The following EID3 variants were observed in gnomAD, a reference collection of about 807,000 sequenced individuals.
EID3 encodes EP300 interacting inhibitor of differentiation 3.
Under a neutral mutation model 1.6 loss-of-function variants are expected in EID3, and 3 were observed. That is an observed-to-expected ratio of 1.87 (90% CI 0.85 to 4.83). EID3 has a LOEUF of 4.83. Among genes scored for constraint, EID3 ranks in the 30% most tolerant of loss-of-function variants. The probability of loss-of-function intolerance (pLI) is 0.02; values close to 1 mark genes in which losing one functional copy is unlikely to be tolerated. For synonymous variants in EID3, 164 were observed against 148.1 expected, an observed-to-expected ratio of 1.11 and a Z score of -0.78; for missense variants, 471 against 409.9, an observed-to-expected ratio of 1.15 and a Z score of -1.29.
rs61937909 is a variant in EID3 at position 104,303,783 on chromosome 12, C to G, written c.-152C>G. ...TCTAACTGCCGCCACTTTCCACACG[C>G]TGGGAGGGCCGTTACCTCAGAGATA... On this transcript the variant is annotated 5_prime_UTR_variant, in exon 1 of 1. Transcript: ENST00000527879. 7 of 1,274,320 alleles carry G rather than the reference C, an allele frequency of 5.5e-6. No homozygotes were observed. The highest frequency in any genetic ancestry group is 1.0e-6 in the Non-Finnish European group (1 of 961,658). 78.9% of individuals were successfully genotyped at this position (1,274,320 alleles called of 1,614,324 possible).
chr12:104,304,140 C>G lies in EID3; in HGVS notation c.206C>G (p.Ala69Gly). Reference sequence around the variant, plus strand: ...TCGGCGAACAACTCCTTAACCGAGGCTCTGGAGGAAGCCAACGTCCTCTTT... The same window carrying G: ...TCGGCGAACAACTCCTTAACCGAGGGTCTGGAGGAAGCCAACGTCCTCTTT... ...VSSANNSLTEALEEANVLFDG... is the reference protein window; with the variant it reads ...VSSANNSLTEGLEEANVLFDG... The change falls in exon 1 of 1, where the codon GCT becomes GGT. Residue 69 changes from alanine to glycine, a missense_variant. Coordinates refer to ENST00000527879, the MANE Select transcript of EID3 (RefSeq NM_001008394.3). 2 of 1,614,068 alleles carry G rather than the reference C, an allele frequency of 1.2e-6. No homozygotes were observed. Among genetic ancestry groups the G allele is most frequent in the African/African-American group, 1.3e-5 (1 of 75,072 alleles).
rs2034748898 is a variant in EID3 at position 104,303,792 on chromosome 12, C to T, written c.-143C>T. On this transcript the variant is annotated 5_prime_UTR_variant, in exon 1 of 1. Coordinates refer to ENST00000527879, the MANE Select transcript of EID3 (RefSeq NM_001008394.3). Reference sequence around the variant, plus strand: ...CGCCACTTTCCACACGCTGGGAGGGCCGTTACCTCAGAGATACCCGTGGCC... The same window carrying T: ...CGCCACTTTCCACACGCTGGGAGGGTCGTTACCTCAGAGATACCCGTGGCC... 1.5e-6 allele frequency: 2 copies of T among 1,305,596 alleles called. No individual in the cohort carries two copies. The highest frequency in any genetic ancestry group is 2.0e-6 in the Non-Finnish European group (2 of 987,642). The allele number at this position is 1,305,596 out of a possible 1,614,324, so 80.9% of individuals were successfully genotyped here.
In EID3 at chr12:104,304,298, T is replaced by C; in HGVS notation, c.364T>C (p.Phe122Leu). The C allele has an allele frequency of 6.2e-7, 1 of 1,614,048 alleles. No individual in the cohort carries two copies. Among genetic ancestry groups the C allele is most frequent in the Non-Finnish European group, 8.5e-7 (1 of 1,179,900 alleles). The part of the protein sequence containing the change: ...NFFNQLAFCD[F>L]LFLFVGLNWM... ...CTTTAATCAGTTAGCATTTTGTGAC[T>C]TTCTGTTTCTGTTCGTGGGTCTGAA... Residue 122 changes from phenylalanine to leucine, a missense_variant, in exon 1 of 1, where the codon TTT (phenylalanine) becomes CTT (leucine). By Grantham distance (22) the Phe-to-Leu change is conservative. Transcript: ENST00000527879.
rs1243831778 is a variant in EID3 at position 104,304,129 on chromosome 12, C to T, written c.195C>T (p.Ser65=). 2 of 1,613,924 alleles carry T rather than the reference C, an allele frequency of 1.2e-6. No individual in the cohort carries two copies. The highest frequency in any genetic ancestry group is 1.1e-5 in the South Asian group (1 of 91,092). ...REDIVSSANN[S]LTEALEEANV... is the part of the protein sequence containing the mutation. Reference sequence around the variant, plus strand: ...ACATCGTGAGCTCGGCGAACAACTCCTTAACCGAGGCTCTGGAGGAAGCCA... The same window carrying T: ...ACATCGTGAGCTCGGCGAACAACTCTTTAACCGAGGCTCTGGAGGAAGCCA... Residue 65 remains serine (S), a synonymous_variant, in exon 1 of 1, where the codon TCC becomes TCT. Transcript: ENST00000527879.
rs1258170169 is a variant in EID3, at chr12:104,303,995, G to A, written c.61G>A (p.Ala21Thr). 1.2e-6 allele frequency: 2 copies of A among 1,609,424 alleles called. No individual in the cohort carries two copies. The highest frequency in any genetic ancestry group is 1.7e-5 in the Admixed American group (1 of 60,006). Residue 21 changes from alanine to threonine, a missense_variant, in exon 1 of 1, where the codon GCC (alanine) becomes ACC (threonine). Coordinates refer to ENST00000527879, the MANE Select transcript of EID3 (RefSeq NM_001008394.3). ...GCSDDLSSGE[A>T]DVDPKLLELT... Reference sequence around the variant, plus strand: ...CTCCGACGACCTCAGCTCTGGGGAGGCCGACGTAGACCCAAAGCTCCTGGA... The same window carrying A: ...CTCCGACGACCTCAGCTCTGGGGAGACCGACGTAGACCCAAAGCTCCTGGA...
Position 104,304,348 on chromosome 12 carries a change from G to GT in EID3, c.416dup (p.Leu139PhefsTer3), listed in dbSNP as rs2034790707. The GT allele has an allele frequency of 6.2e-7, 1 of 1,613,926 alleles. No homozygotes were observed. Among genetic ancestry groups the GT allele is most frequent in the African/African-American group, 1.3e-5 (1 of 74,924 alleles). ...ATTGGATGGAAGGCGATCCTGACAA[G>GT]TTGAGTGATTGTGATGATAGCATAG... On this transcript the variant is annotated frameshift_variant, in exon 1 of 1. Transcript: ENST00000527879. LOFTEE classifies it low-confidence loss of function (END_TRUNC).
At position 104,304,659 on chromosome 12, in the gene EID3, A is replaced by G. The variant is rs77135236; in HGVS notation, c.725A>G (p.Tyr242Cys). 2.0e-3 allele frequency: 3,172 copies of G among 1,613,982 alleles called. 12 individuals are homozygous for G. Among genetic ancestry groups the G allele is most frequent in the Middle Eastern group, 4.5e-3 (27 of 6,062 alleles). ...FRKYPDTPVS[Y>C]FEFVIDPNSF... is the part of the protein sequence containing the mutation. ...AAGTATCCTGATACTCCTGTGTCCT[A>G]TTTTGAGTTTGTGATTGATCCAAAC... Residue 242 changes from tyrosine (Y) to cysteine (C), a missense_variant, in exon 1 of 1, where the codon TAT (tyrosine) becomes TGT (cysteine). Physicochemically the swap from Tyr to Cys is radical, Grantham distance 194 (BLOSUM62 -2). Transcript: ENST00000527879.
In EID3 at chr12:104,303,740, T is replaced by G; in HGVS notation, c.-195T>G. The stretch of plus-strand genomic sequence containing the variant: ...CGCCGGGCCGGGCCGCTAGTGCGCA[T>G]GGGCGGGCGTCCTCGGCTCTAACTG... On this transcript the variant is annotated 5_prime_UTR_variant, in exon 1 of 1. The change abolishes an upstream ATG in the 5' untranslated region. Transcript: ENST00000527879. 1 of 920,264 alleles carries G rather than the reference T, an allele frequency of 1.1e-6. No individual in the cohort carries two copies. Among genetic ancestry groups the G allele is most frequent in the Non-Finnish European group, 1.5e-6 (1 of 653,498 alleles). 57.0% of individuals were successfully genotyped at this position (920,264 alleles called of 1,614,324 possible). A position where few individuals can be genotyped will look rare whatever the true frequency, so the allele number is the denominator to read the frequency against.
rs1040912172 is a variant in EID3, at chr12:104,305,146, G to T, written c.*210G>T. The T allele has an allele frequency of 2.0e-6, 1 of 489,124 alleles. No homozygotes were observed. The highest frequency in any genetic ancestry group is 3.5e-6 in the Non-Finnish European group (1 of 287,210). 30.3% of individuals were successfully genotyped at this position (489,124 alleles called of 1,614,324 possible). On this transcript the variant is annotated 3_prime_UTR_variant, in exon 1 of 1. Transcript: ENST00000527879. Reference sequence around the variant, plus strand: ...AAAACAAATTCACTGGCATATTTATGGGAACGTTTTATTGAATGCCCTTTA... The same window carrying T: ...AAAACAAATTCACTGGCATATTTATTGGAACGTTTTATTGAATGCCCTTTA...
Position 104,304,065 on chromosome 12 carries a change from A to T in EID3, c.131A>T (p.Tyr44Phe). Reference protein sequence around the residue: ...EEKCRSIRRQYRQLMYCVRQN... With the variant: ...EEKCRSIRRQFRQLMYCVRQN... ...AAGTGCCGCAGCATCCGCAGGCAGT[A>T]CCGGCAGCTCATGTACTGCGTGCGG... The change falls in exon 1 of 1, where the codon TAC (tyrosine) becomes TTC (phenylalanine). Residue 44 changes from tyrosine (Y) to phenylalanine (F), a missense_variant. Physicochemically the swap from Tyr to Phe is conservative, Grantham distance 22 (BLOSUM62 3). Transcript: ENST00000527879. 6.2e-7 allele frequency: 1 copy of T among 1,613,916 alleles called. No homozygotes were observed. Among genetic ancestry groups the T allele is most frequent in the South Asian group, 1.1e-5 (1 of 91,088 alleles).
At position 104,305,023 on chromosome 12, in the gene EID3, C is replaced by G; in HGVS notation, c.*87C>G. ...GTAAACTGAAGCACATATTGTATCT[C>G]TTGTAAAGTGAAAAAGTATTTTCAA... On this transcript the variant is annotated 3_prime_UTR_variant, in exon 1 of 1. Transcript: ENST00000527879. The G allele has an allele frequency of 5.3e-6, 7 of 1,321,686 alleles. No homozygotes were observed. The highest frequency in any genetic ancestry group is 7.1e-6 in the Non-Finnish European group (7 of 983,862). 81.9% of individuals were successfully genotyped at this position (1,321,686 alleles called of 1,614,324 possible). A position where few individuals can be genotyped will look rare whatever the true frequency, so the allele number is the denominator to read the frequency against.
chr12:104,304,789 G>C lies in EID3; in HGVS notation c.855G>C (p.Pro285=). The C allele has an allele frequency of 6.2e-7, 1 of 1,613,986 alleles. No individual in the cohort carries two copies. The highest frequency in any genetic ancestry group is 1.6e-4 in the Middle Eastern group (1 of 6,062). ...LDEDRLPILE[P]MNVNQMGEGN... is the part of the protein sequence containing the mutation. ...AAGACAGGCTGCCAATATTAGAGCCGATGAATGTTAACCAAATGGGTGAGG... is the reference window on the plus strand; with the variant it reads ...AAGACAGGCTGCCAATATTAGAGCCCATGAATGTTAACCAAATGGGTGAGG... Residue 285 remains proline (P), a synonymous_variant, in exon 1 of 1, where the codon CCG becomes CCC. Coordinates refer to ENST00000527879, the MANE Select transcript of EID3 (RefSeq NM_001008394.3).
Position 104,304,096 on chromosome 12 carries a change from CCGGGAGGACATCGTGAGCT to C in EID3, c.166_184del (p.Glu56ArgfsTer5). ...AGCTCATGTACTGCGTGCGGCAGAA[CCGGGAGGACATCGTGAGCT>C]CGGCGAACAACTCCTTAACCGAGGC... On this transcript the variant is annotated frameshift_variant, in exon 1 of 1. Transcript: ENST00000527879. LOFTEE classifies it low-confidence loss of function (END_TRUNC). 1 of 1,614,004 alleles carries C rather than the reference CCGGGAGGACATCGTGAGCT, an allele frequency of 6.2e-7. No homozygotes were observed. The highest frequency in any genetic ancestry group is 1.7e-5 in the Admixed American group (1 of 60,026).
Position 104,304,939 on chromosome 12 carries a change from A to G in EID3, c.*3A>G. The stretch of plus-strand genomic sequence containing the variant: ...TGATTACATACTCCTCATACTAAAG[A>G]TTTCTTAGTATAGCATCCTTTTTGT... On this transcript the variant is annotated 3_prime_UTR_variant, in exon 1 of 1. Coordinates refer to ENST00000527879, the MANE Select transcript of EID3 (RefSeq NM_001008394.3). 1 of 1,572,770 alleles carries G rather than the reference A, an allele frequency of 6.4e-7. No homozygotes were observed.
In EID3 at chr12:104,303,745, G is replaced by A; in HGVS notation, c.-190G>A. The A allele has an allele frequency of 1.0e-6, 1 of 955,176 alleles. No homozygotes were observed. Among genetic ancestry groups the A allele is most frequent in the Admixed American group, 3.6e-5 (1 of 27,920 alleles). 59.2% of individuals were successfully genotyped at this position (955,176 alleles called of 1,614,324 possible). On this transcript the variant is annotated 5_prime_UTR_variant, in exon 1 of 1. Coordinates refer to ENST00000527879, the MANE Select transcript of EID3 (RefSeq NM_001008394.3). ...GGCCGGGCCGCTAGTGCGCATGGGCGGGCGTCCTCGGCTCTAACTGCCGCC... is the reference window on the plus strand; with the variant it reads ...GGCCGGGCCGCTAGTGCGCATGGGCAGGCGTCCTCGGCTCTAACTGCCGCC...
At position 104,304,911 on chromosome 12, in the gene EID3, C is replaced by T. The variant is rs1202823346; in HGVS notation, c.977C>T (p.Ala326Val). ...GTGGCAGCTTTTGAAATTTCTGAGGCTATGATTACATACTCCTCATACTAA... is the reference window on the plus strand; with the variant it reads ...GTGGCAGCTTTTGAAATTTCTGAGGTTATGATTACATACTCCTCATACTAA... ...NIVAAFEISE[A>V]MITYSSY The change falls in exon 1 of 1, where the codon GCT (alanine) becomes GTT (valine). Residue 326 changes from alanine (A) to valine (V), a missense_variant. Ala to Val is a moderately conservative substitution (Grantham distance 64). Coordinates refer to ENST00000527879, the MANE Select transcript of EID3 (RefSeq NM_001008394.3). 31 of 1,609,126 alleles carry T rather than the reference C, an allele frequency of 1.9e-5. No individual in the cohort carries two copies. The highest frequency in any genetic ancestry group is 2.5e-5 in the Non-Finnish European group (29 of 1,178,192).
Position 104,304,273 on chromosome 12 carries a change from C to T in EID3, c.339C>T (p.Phe113=). The change falls in exon 1 of 1, where the codon TTC becomes TTT. Residue 113 remains phenylalanine (F), a synonymous_variant. Coordinates refer to ENST00000527879, the MANE Select transcript of EID3 (RefSeq NM_001008394.3). ...AGCAGTTAAACTCAGATATGAACTT[C>T]TTTAATCAGTTAGCATTTTGTGACT... ...KAKQLNSDMN[F]FNQLAFCDFL... The T allele has an allele frequency of 6.2e-7, 1 of 1,614,008 alleles. No homozygotes were observed. Among genetic ancestry groups the T allele is most frequent in the Non-Finnish European group, 8.5e-7 (1 of 1,179,886 alleles).
chr12:104,303,798 C>G lies in EID3; in HGVS notation c.-137C>G, dbSNP rs1331527194. On this transcript the variant is annotated 5_prime_UTR_variant, in exon 1 of 1. Coordinates refer to ENST00000527879, the MANE Select transcript of EID3 (RefSeq NM_001008394.3). ...TTTCCACACGCTGGGAGGGCCGTTACCTCAGAGATACCCGTGGCCGGCATG... is the reference window on the plus strand; with the variant it reads ...TTTCCACACGCTGGGAGGGCCGTTAGCTCAGAGATACCCGTGGCCGGCATG... 7.4e-7 allele frequency: 1 copy of G among 1,353,150 alleles called. No individual in the cohort carries two copies. The highest frequency in any genetic ancestry group is 2.9e-5 in the Admixed American group (1 of 34,358). The allele number at this position is 1,353,150 out of a possible 1,614,324, so 83.8% of individuals were successfully genotyped here.
In EID3 at chr12:104,304,283, T is replaced by G; in HGVS notation, c.349T>G (p.Leu117Val). The G allele has an allele frequency of 6.2e-7, 1 of 1,614,064 alleles. No individual in the cohort carries two copies. Among genetic ancestry groups the G allele is most frequent in the African/African-American group, 1.3e-5 (1 of 75,058 alleles). The change falls in exon 1 of 1, where the codon TTA (leucine) becomes GTA (valine). Residue 117 changes from leucine (L) to valine (V), a missense_variant. Transcript: ENST00000527879. Reference protein sequence around the residue: ...LNSDMNFFNQLAFCDFLFLFV... With the variant: ...LNSDMNFFNQVAFCDFLFLFV... ...CTCAGATATGAACTTCTTTAATCAG[T>G]TAGCATTTTGTGACTTTCTGTTTCT...
Sources: allele counts gnomAD v4.1 joint callset, GRCh38; gene constraint gnomAD v4.1.1; transcripts MANE v1.5; gene names NCBI Gene and HGNC (gene_info 2026-07-23, HGNC 2026-07-21).